Variants in HMHB1 observed in about 807,000 individuals in gnomAD.
HMHB1 encodes histocompatibility minor HB-1.
Under a neutral mutation model 2.4 loss-of-function variants are expected in HMHB1, and 4 were observed. The observed-to-expected ratio is 1.65, with a 90% CI of 0.81 to 3.77. HMHB1 has a LOEUF of 3.77. HMHB1 is among the 30% of genes most tolerant of loss of function. The pLI is 0.01. For missense variants in HMHB1, 57 were observed against 44.2 expected (o/e 1.29, Z -0.82); for synonymous variants, 22 against 17.6 (o/e 1.25, Z -0.63).
chr5:143,817,257 T>G (rs1327831409), intron 1 of HMHB1, among the ~76,000 whole-genome samples: 1 of 152,200 alleles, frequency 6.6e-6, no homozygotes, highest in East Asian at 1.9e-4. Flanking sequence ...TGCTTTTGGG[T>G]TCTTGGCCAT....
Position 143,820,661 on chromosome 5 carries a change from G to A in HMHB1, c.*93G>A. 1.2e-6 allele frequency: 1 copy of A among 800,638 alleles called. No individual in the cohort carries two copies. Among genetic ancestry groups the A allele is most frequent in the Non-Finnish European group, 2.2e-6 (1 of 453,776 alleles). The allele number at this position is 800,638 out of a possible 1,614,324, so 49.6% of individuals were successfully genotyped here. A position where few individuals can be genotyped will look rare whatever the true frequency, so the allele number is the denominator to read the frequency against. ...CATGAAGAAGAGTAAAATTAAGCAA[G>A]TGGAACATATGCCCTTTGCCTCTGC... On this transcript the variant is annotated 3_prime_UTR_variant, in exon 2 of 2. Coordinates refer to ENST00000289448, the MANE Select transcript of HMHB1 (RefSeq NM_021182.3).
Position 143,812,258 on chromosome 5 carries a change from G to GAA in HMHB1, c.-8_-7dup. Reference sequence around the variant, plus strand: ...ACATCCTCTGCCACACCACAGTGGAGAAACCAGAACTGGAGGAGCAGCCAG... The same window carrying GAA: ...ACATCCTCTGCCACACCACAGTGGAGAAAAACCAGAACTGGAGGAGCAGCCAG... On this transcript the variant is annotated 5_prime_UTR_variant, in exon 1 of 2. Coordinates refer to ENST00000289448, the MANE Select transcript of HMHB1 (RefSeq NM_021182.3). 1 of 1,551,700 alleles carries GAA rather than the reference G, an allele frequency of 6.4e-7. No individual in the cohort carries two copies. Among genetic ancestry groups the GAA allele is most frequent in the African/African-American group, 1.4e-5 (1 of 73,148 alleles).
chr5:143,814,692 A>T (rs891455333), intron 1 of HMHB1, among the ~76,000 whole-genome samples: 4 of 152,246 alleles, frequency 2.6e-5, no homozygotes, highest in African/African-American at 9.6e-5. Context: ...ATTATGTCAT[A>T]AACTTCAGAA....
At chr5:143,813,288 GC>G (rs1451858565) in intron 1 of HMHB1, among the ~76,000 whole-genome samples, 1 of 151,676 alleles carries the variant, frequency 6.6e-6, no homozygotes, top group Non-Finnish European at 1.5e-5. Context: ...TTCCTTCAAG[GC>G]CCCTTTCAAA....
At chr5:143,819,297 A>G (rs1204191148) in intron 1 of HMHB1, among the ~76,000 whole-genome samples, 2 of 152,224 alleles carry the variant, frequency 1.3e-5, no homozygotes, top group Admixed American at 6.5e-5. Flanking sequence ...ACTTAAGCTG[A>G]AAAGAGCAGT....
At chr5:143,816,575 A>G (rs1345297732) in intron 1 of HMHB1, among the ~76,000 whole-genome samples, 2 of 152,200 alleles carry the variant, frequency 1.3e-5, no homozygotes, top group African/African-American at 4.8e-5. Context: ...TTGTATATAT[A>G]TACCACAGTT....
intron 1 of HMHB1, among the ~76,000 whole-genome samples, chr5:143,814,180 T>C (rs1356516920): frequency 6.6e-6 from 1 of 152,152 alleles, no homozygotes; most frequent in Non-Finnish European, 1.5e-5. Context: ...ATGACAATAA[T>C]CTATAACCAT....
chr5:143,820,319 A>AG (rs1561938082), intron 1 of HMHB1, among the ~76,000 whole-genome samples, 161 bp from the exon 2 acceptor site: 1 of 18,308 alleles, frequency 5.5e-5, no homozygotes, highest in Non-Finnish European at 1.2e-4. Context: ...CATCATAAGT[A>AG]AAAAAAAAAA....
intron 1 of HMHB1, among the ~76,000 whole-genome samples, chr5:143,813,612 A>G (rs978523204): frequency 8.5e-5 from 13 of 152,250 alleles, no homozygotes; most frequent in African/African-American, 2.4e-4. Context: ...ACTCAAATGA[A>G]GAAAGACATT....
Position 143,812,287 on chromosome 5 carries a change from G to A in HMHB1, c.20G>A (p.Cys7Tyr). 6.4e-7 allele frequency: 1 copy of A among 1,551,716 alleles called. No individual in the cohort carries two copies. Among genetic ancestry groups the A allele is most frequent in the East Asian group, 2.4e-5 (1 of 40,922 alleles). ...CCAGAACTGGAGGAGCAGCCAGAAT[G>A]CAGAGAAGAAAAAAGAGGTGAGGGA... Residue 7 changes from cysteine to tyrosine, a missense_variant, in exon 1 of 2, where the codon TGC (cysteine) becomes TAC (tyrosine). Coordinates refer to ENST00000289448, the MANE Select transcript of HMHB1 (RefSeq NM_021182.3).
intron 1 of HMHB1, 73 bp from the exon 2 acceptor site, chr5:143,820,407 T>C: frequency 1.3e-6 from 1 of 796,068 alleles, no homozygotes. Context: ...GTTTGGAGTT[T>C]TATTAATCTA....
chr5:143,812,244 C>T lies in HMHB1; in HGVS notation c.-24C>T, dbSNP rs947823817. ...AGCCTTCTGACCTCACATCCTCTGC[C>T]ACACCACAGTGGAGAAACCAGAACT... is the stretch of plus-strand genomic sequence containing the variant. On this transcript the variant is annotated 5_prime_UTR_variant, in exon 1 of 2. Transcript: ENST00000289448. 7.7e-6 allele frequency: 12 copies of T among 1,551,320 alleles called. No individual in the cohort carries two copies. The Admixed American group carries it at 1.2e-4, about 15-fold the overall frequency.
At chr5:143,814,037 TACTG>T (rs763993795) in intron 1 of HMHB1, among the ~76,000 whole-genome samples, 2 of 152,216 alleles carry the variant, frequency 1.3e-5, no homozygotes, top group Non-Finnish European at 1.5e-5. Context: ...GCATCATTCT[TACTG>T]ACATGCATTG....
chr5:143,819,614 G>A (rs1473869995), intron 1 of HMHB1, among the ~76,000 whole-genome samples: 7 of 145,932 alleles, frequency 4.8e-5, no homozygotes, highest in Non-Finnish European at 7.5e-5. Context: ...CAGCCTGGGC[G>A]AGAGAGTGAG....
intron 1 of HMHB1, 75 bp from the exon 2 acceptor site, chr5:143,820,405 T>TTTTA (rs1396321612): frequency 1.3e-6 from 1 of 759,956 alleles, no homozygotes; most frequent in Non-Finnish European, 2.2e-6. Context: ...CTGTTTGGAG[T>TTTTA]TTTATTAATC....
At chr5:143,817,277 G>A (rs1291200874) in intron 1 of HMHB1, among the ~76,000 whole-genome samples, 1 of 152,102 alleles carries the variant, frequency 6.6e-6, no homozygotes, top group Non-Finnish European at 1.5e-5. Context: ...TGAAATCCTT[G>A]CCTAAGCCAA....
In HMHB1 at chr5:143,819,404, T is replaced by C. The variant is rs1759782669; in HGVS notation, c.38-1076T>C. Among the ~76,000 whole-genome samples the C allele has an allele frequency of 2.0e-5, 3 of 152,212 alleles. No individual in the cohort carries two copies. The South Asian group carries it at 6.2e-4, about 32-fold the overall frequency. On this transcript the variant is annotated intron_variant, in intron 1 of 1. Transcript: ENST00000289448. ...TATCTGAGAGGAATCCTTATCCGTATGTGAAAGGCTTTCAGCCTAATACAG... is the reference window on the plus strand; with the variant it reads ...TATCTGAGAGGAATCCTTATCCGTACGTGAAAGGCTTTCAGCCTAATACAG...
intron 1 of HMHB1, among the ~76,000 whole-genome samples, chr5:143,819,550 G>A (rs1439826288): frequency 1.3e-5 from 2 of 151,098 alleles, no homozygotes; most frequent in Non-Finnish European, 2.9e-5. Context: ...CAGGAGAATC[G>A]CTTGAGCTCG....
chr5:143,819,023 T>C (rs919741662), intron 1 of HMHB1, among the ~76,000 whole-genome samples: 4 of 152,172 alleles, frequency 2.6e-5, no homozygotes, highest in Non-Finnish European at 4.4e-5. Flanking sequence ...TTCTTTTCTA[T>C]TTCTTTTCTC....
Sources: gnomAD v4.1 joint callset for allele counts (sites outside exome capture counted in the v4.1 genomes callset) on GRCh38, gnomAD v4.1.1 for gene constraint, MANE v1.5 for transcripts, NCBI Gene and HGNC (gene_info 2026-07-23, HGNC 2026-07-21) for gene names.